AFG2A: variants seen among roughly 807,000 people sequenced by gnomAD.
AFG2A encodes the protein ATPase family gene 2 protein homolog A.
chr4:123,258,714 A>G, the AFG2A span, among the ~76,000 whole-genome samples: 2 of 152,102 alleles, frequency 1.3e-5, no homozygotes, highest in African/African-American at 4.8e-5. Flanking sequence ...TATATGAACA[A>G]GAATTTGGGC....
At chr4:123,229,611 A>G in the AFG2A span, among the ~76,000 whole-genome samples, 1 of 152,040 alleles carries the variant, frequency 6.6e-6, no homozygotes, top group Non-Finnish European at 1.5e-5. Context: ...TACATGGAAT[A>G]TACAAAATTT....
chr4:122,978,564 T>A, the AFG2A span, among the ~76,000 whole-genome samples: 2 of 152,194 alleles, frequency 1.3e-5, no homozygotes, highest in Admixed American at 1.3e-4. Flanking sequence ...CTTCAGGCTG[T>A]CCCTGGCTTA....
the AFG2A span, among the ~76,000 whole-genome samples, chr4:123,288,767 T>C: frequency 3.3e-5 from 5 of 152,172 alleles, no homozygotes; most frequent in Admixed American, 3.3e-4. Context: ...ATGTGGTTTC[T>C]CAAGGCCGAC....
chr4:122,935,793 T>C, the AFG2A span: 5 of 1,613,306 alleles, frequency 3.1e-6, no homozygotes, highest in Non-Finnish European at 3.4e-6. Flanking sequence ...CTGTTGCTAA[T>C]GAAGTTGGAG....
chr4:122,927,922 C>CA, the AFG2A span, among the ~76,000 whole-genome samples: 37 of 152,128 alleles, frequency 2.4e-4, no homozygotes, highest in Admixed American at 2.4e-3. Context: ...AAACATAAGG[C>CA]AAATATTCCA....
At chr4:123,208,183 A>G in the AFG2A span, among the ~76,000 whole-genome samples, 1 of 152,220 alleles carries the variant, frequency 6.6e-6, no homozygotes, top group Non-Finnish European at 1.5e-5. Context: ...AAGACCATTC[A>G]ATGGGGAAAT....
the AFG2A span, among the ~76,000 whole-genome samples, chr4:123,069,032 G>A: frequency 4.6e-5 from 7 of 152,098 alleles, no homozygotes; most frequent in African/African-American, 1.7e-4. Context: ...AATGGTTTTT[G>A]AACACAATAA....
the AFG2A span, among the ~76,000 whole-genome samples, chr4:122,943,959 T>C: frequency 6.6e-6 from 1 of 152,128 alleles, no homozygotes; most frequent in Non-Finnish European, 1.5e-5. Context: ...TGTTGAATAT[T>C]GGCCCCCACT....
At chr4:123,173,339 G>GTTTTTT in the AFG2A span, among the ~76,000 whole-genome samples, 1 of 104,460 alleles carries the variant, frequency 9.6e-6, no homozygotes, top group African/African-American at 3.9e-5. Flanking sequence ...TAAGTCCAAT[G>GTTTTTT]GTTTTTTTTT....
At chr4:122,999,103 A>G in the AFG2A span, among the ~76,000 whole-genome samples, 1 of 145,330 alleles carries the variant, frequency 6.9e-6, no homozygotes, top group Non-Finnish European at 1.5e-5. Flanking sequence ...GGCTGCATAA[A>G]TGTCTTCTTT....
chr4:123,239,388 A>G, the AFG2A span, among the ~76,000 whole-genome samples: 1 of 152,204 alleles, frequency 6.6e-6, no homozygotes, highest in Non-Finnish European at 1.5e-5. Context: ...TCTCAGATTC[A>G]CCAAGGTTGA....
chr4:123,112,682 C>T, the AFG2A span, among the ~76,000 whole-genome samples: 1 of 152,036 alleles, frequency 6.6e-6, no homozygotes, highest in African/African-American at 2.4e-5. Flanking sequence ...TTTTTTATAT[C>T]TGATTCCCAT....
chr4:123,213,859 T>C, the AFG2A span, among the ~76,000 whole-genome samples: 1 of 152,212 alleles, frequency 6.6e-6, no homozygotes. Flanking sequence ...ATGACTAGAC[T>C]ATTTTTGCAG....
the AFG2A span, among the ~76,000 whole-genome samples, chr4:122,960,841 T>C: frequency 1.3e-5 from 2 of 152,224 alleles, no homozygotes; most frequent in Admixed American, 6.5e-5. Flanking sequence ...GAGCATCTGC[T>C]ATGTATGTAA....
chr4:123,133,224 G>T, the AFG2A span, among the ~76,000 whole-genome samples: 1 of 152,222 alleles, frequency 6.6e-6, no homozygotes, highest in Non-Finnish European at 1.5e-5. Context: ...ATCCAAAGAG[G>T]TTCAGGCAAG....
chr4:123,310,745 G>A, the AFG2A span, among the ~76,000 whole-genome samples: 1 of 152,206 alleles, frequency 6.6e-6, no homozygotes, highest in African/African-American at 2.4e-5. Flanking sequence ...CTAATTATTT[G>A]TAGTGTCCTG....
At chr4:122,992,407 TAAA>T in the AFG2A span, among the ~76,000 whole-genome samples, 1 of 152,206 alleles carries the variant, frequency 6.6e-6, no homozygotes, top group African/African-American at 2.4e-5. Flanking sequence ...CTTCAGATAA[TAAA>T]AATTTTCCTG....
the AFG2A span, among the ~76,000 whole-genome samples, chr4:122,972,973 T>C: frequency 6.6e-6 from 1 of 152,288 alleles, no homozygotes; most frequent in Admixed American, 6.5e-5. Context: ...GTATCTTCTA[T>C]ATATTCTTTT....
the AFG2A span, among the ~76,000 whole-genome samples, chr4:123,024,013 G>A: frequency 6.6e-6 from 1 of 151,726 alleles, no homozygotes; most frequent in Non-Finnish European, 1.5e-5. Context: ...GAAGAGAGAG[G>A]AGTTGCTGAG....
Sources: allele counts gnomAD v4.1 joint callset (sites outside exome capture counted in the v4.1 genomes callset), GRCh38; gene constraint gnomAD v4.1.1; transcripts MANE v1.5; gene names NCBI Gene and HGNC (gene_info 2026-07-23, HGNC 2026-07-21).